PRKAR1A: variants seen among roughly 807,000 people sequenced by gnomAD.
PRKAR1A encodes cAMP-dependent protein kinase type I-alpha regulatory subunit.
In PRKAR1A, 3 loss-of-function variants were observed where a neutral mutation model predicts 52.0. The observed-to-expected ratio is 0.06, with a 90% CI of 0.03 to 0.15. The LOEUF (loss-of-function observed/expected upper bound fraction) is 0.15. PRKAR1A is among the 10% of genes least tolerant of loss of function. PRKAR1A has a pLI of 1.00. For missense variants in PRKAR1A, 240 were observed against 477.4 expected (o/e 0.50, Z 4.63); for synonymous variants, 188 against 168.4 (o/e 1.12, Z -0.90).
downstream of PRKAR1A, chr17:68,537,513 C>T (rs768580756): frequency 6.8e-6 from 11 of 1,613,764 alleles, no homozygotes; most frequent in Admixed American, 3.3e-5. The surrounding 1 kb of genome is among the most constrained non-coding windows in gnomAD (Gnocchi z 4.2). Flanking sequence ...AGTCTGGGGC[C>T]AACTGTTCCA....
chr17:68,537,215 CA>C, downstream of PRKAR1A: 1 of 626,768 alleles, frequency 1.6e-6, no homozygotes. The surrounding 1 kb of genome is among the most constrained non-coding windows in gnomAD (Gnocchi z 4.2). Context: ...TTTCCCAGTG[CA>C]CTCAGGAGAT....
the PRKAR1A span, among the ~76,000 whole-genome samples, chr17:68,452,414 A>G: frequency 6.6e-6 from 1 of 152,122 alleles, no homozygotes; most frequent in African/African-American, 2.4e-5. Context: ...AAAATACAAA[A>G]ATTAGCTGGG....
chr17:68,435,765 A>C, the PRKAR1A span: 1 of 1,514,930 alleles, frequency 6.6e-7, no homozygotes, highest in Non-Finnish European at 9.2e-7. Flanking sequence ...GGGAAGATGG[A>C]TTTCACCTCC....
the PRKAR1A span, among the ~76,000 whole-genome samples, chr17:68,493,101 G>C: frequency 6.6e-6 from 1 of 151,878 alleles, no homozygotes; most frequent in African/African-American, 2.4e-5. Flanking sequence ...ACATGTGGTG[G>C]GGGGGAATAA....
the PRKAR1A span, among the ~76,000 whole-genome samples, chr17:68,496,724 A>G: frequency 6.6e-6 from 1 of 151,208 alleles, no homozygotes; most frequent in East Asian, 2.0e-4. Flanking sequence ...GGAAGACATG[A>G]TATTTGTTCA....
intron 8 of PRKAR1A, among the ~76,000 whole-genome samples, chr17:68,528,134 A>G (rs991397740): frequency 1.3e-5 from 2 of 152,196 alleles, no homozygotes; most frequent in East Asian, 1.9e-4. Context: ...ACTTCCAACA[A>G]TACATTTCCT....
intron 11 of PRKAR1A, chr17:68,539,376 T>G: frequency 6.2e-7 from 1 of 1,614,202 alleles, no homozygotes; most frequent in Non-Finnish European, 8.5e-7. Flanking sequence ...GGAGATTTCA[T>G]CATGGGAGTG....
chr17:68,536,875 C>T, downstream of PRKAR1A: 1 of 454,056 alleles, frequency 2.2e-6, no homozygotes, highest in Non-Finnish European at 4.4e-6. Context: ...TTTATTTTTG[C>T]CACTTGTTAT....
chr17:68,535,599 G>GT, downstream of PRKAR1A: 1 of 454,054 alleles, frequency 2.2e-6, no homozygotes, highest in Non-Finnish European at 4.4e-6. Context: ...CTATGCTGCA[G>GT]TAGGGCCACA....
the PRKAR1A span, among the ~76,000 whole-genome samples, chr17:68,466,020 T>A: frequency 1.3e-5 from 2 of 152,102 alleles, no homozygotes; most frequent in Non-Finnish European, 2.9e-5. Flanking sequence ...GAGAGGCAGG[T>A]CAGCATGGAG....
chr17:68,537,412 G>C (rs1568715134), downstream of PRKAR1A: 2 of 1,602,464 alleles, frequency 1.2e-6, no homozygotes, highest in African/African-American at 2.7e-5. This position sits in a 1 kb window ranked among gnomAD's most constrained non-coding sequence, Gnocchi z 4.2. Flanking sequence ...GAGGACGCAG[G>C]GTCGGCACTC....
At chr17:68,508,724 A>G (rs1026889074), upstream of PRKAR1A, among the ~76,000 whole-genome samples, 2 of 152,198 alleles carry the variant, frequency 1.3e-5, no homozygotes, top group Non-Finnish European at 2.9e-5. Flanking sequence ...TATGTTTTAG[A>G]TTAAGATATT....
In PRKAR1A at chr17:68,532,406, A is replaced by C. The variant is rs1256082289; in HGVS notation, c.*1957A>C. On this transcript the variant is annotated 3_prime_UTR_variant, in exon 11 of 11. Coordinates refer to ENST00000589228, the MANE Select transcript of PRKAR1A (RefSeq NM_002734.5). Reference sequence around the variant, plus strand: ...TACTCTTAAATCATTTGGTTAAATCATTTGGCTTGCTGTTTACTCCCTTCT... The same window carrying C: ...TACTCTTAAATCATTTGGTTAAATCCTTTGGCTTGCTGTTTACTCCCTTCT... 9.4e-7 allele frequency: 1 copy of C among 1,059,334 alleles called. No individual in the cohort carries two copies. Among genetic ancestry groups the C allele is most frequent in the Non-Finnish European group, 1.1e-6 (1 of 873,790 alleles). 65.6% of individuals were successfully genotyped at this position (1,059,334 alleles called of 1,614,324 possible). A position where few individuals can be genotyped will look rare whatever the true frequency, so the allele number is the denominator to read the frequency against.
At chr17:68,428,649 T>C in the PRKAR1A span, 1 of 571,068 alleles carries the variant, frequency 1.8e-6, no homozygotes, top group Non-Finnish European at 3.1e-6. Flanking sequence ...GATTACCACA[T>C]GCTGAGGGCA....
At chr17:68,448,061 C>T in the PRKAR1A span, among the ~76,000 whole-genome samples, 1 of 151,186 alleles carries the variant, frequency 6.6e-6, no homozygotes, top group African/African-American at 2.4e-5. Context: ...TAACTTTTTC[C>T]TGTTTTTCAA....
chr17:68,421,570 A>C, the PRKAR1A span: 1 of 631,314 alleles, frequency 1.6e-6, no homozygotes, highest in Non-Finnish European at 2.8e-6. Context: ...ATGTGTATAC[A>C]ATGTCTCCCG....
At chr17:68,468,520 T>A in the PRKAR1A span, among the ~76,000 whole-genome samples, 2 of 152,222 alleles carry the variant, frequency 1.3e-5, no homozygotes, top group African/African-American at 4.8e-5. Flanking sequence ...ACATTGCTGA[T>A]GAGTGAGAAC....
rs190519761 is a variant in PRKAR1A at position 68,526,371 on chromosome 17, C to T, written c.708+459C>T. Among the ~76,000 whole-genome samples, 563 of 152,288 alleles carry T rather than the reference C, an allele frequency of 3.7e-3. 7 individuals carry two copies. The highest frequency in any genetic ancestry group is 0.013 in the African/African-American group (520 of 41,572). On this transcript the variant is annotated intron_variant, in intron 7 of 10. Coordinates refer to ENST00000589228, the MANE Select transcript of PRKAR1A (RefSeq NM_002734.5). ...TGTCCCCTCTCGTTAAAGGAATAAA[C>T]AAAATACTAAAACCATTGGAACTTT... is the stretch of plus-strand genomic sequence containing the variant.
chr17:68,425,702 G>A, the PRKAR1A span, among the ~76,000 whole-genome samples: 5 of 152,158 alleles, frequency 3.3e-5, no homozygotes, highest in African/African-American at 4.8e-5. Flanking sequence ...TTCTGCAAAC[G>A]CATCCATGGG....
Sources: gnomAD v4.1 joint callset for allele counts (sites outside exome capture counted in the v4.1 genomes callset) on GRCh38, gnomAD v4.1.1 for gene constraint, Gnocchi (gnomAD v3.1) non-coding constraint, MANE v1.5 for transcripts, NCBI Gene and HGNC (gene_info 2026-07-23, HGNC 2026-07-21) for gene names.